Variants in CDAN1 observed in about 807,000 individuals in gnomAD.
The protein encoded by CDAN1 is codanin-1.
A neutral mutation model predicts 139.8 loss-of-function variants in CDAN1; 107 were observed. That is an observed-to-expected ratio of 0.77 (90% CI 0.65 to 0.90). CDAN1 has a LOEUF of 0.90. CDAN1 is among the 40% of genes least tolerant of loss of function. The probability of loss-of-function intolerance (pLI) is 0.00; values close to 1 mark genes in which losing one functional copy is unlikely to be tolerated. For synonymous variants in CDAN1, 776 were observed against 660.6 expected (o/e 1.17, Z -2.68); for missense variants, 1,667 against 1,575.7 (o/e 1.06, Z -0.98).
At position 42,737,090 on chromosome 15, in the gene CDAN1, A is replaced by T; in HGVS notation, c.13T>A (p.Leu5Met). ...ACCTCTTCTCGCAGCAGCGACTCCA[A>T]AACGGCCGCCATCCCGGTCGGGGCG... MAAV[L>M]ESLLREEVSV... is the part of the protein sequence containing the mutation. Residue 5 changes from leucine (L) to methionine (M), a missense_variant, in exon 1 of 28, where the codon TTG (leucine) becomes ATG (methionine). By Grantham distance (15) the Leu-to-Met change is conservative. Transcript: ENST00000356231. The T allele has an allele frequency of 6.6e-7, 1 of 1,518,210 alleles. No individual in the cohort carries two copies. Among genetic ancestry groups the T allele is most frequent in the Non-Finnish European group, 8.8e-7 (1 of 1,131,134 alleles). The allele number at this position is 1,518,210 out of a possible 1,614,324, so 94.0% of individuals were successfully genotyped here.
Position 42,729,570 on chromosome 15 carries a change from A to C in CDAN1, c.2405T>G (p.Ile802Ser). The C allele has an allele frequency of 1.2e-6, 2 of 1,614,128 alleles. No homozygotes were observed. Among genetic ancestry groups the C allele is most frequent in the Non-Finnish European group, 8.5e-7 (1 of 1,180,024 alleles). Residue 802 changes from isoleucine to serine, a missense_variant and splice_region_variant, in exon 17 of 28, where the codon ATC (isoleucine) becomes AGC (serine). Coordinates refer to ENST00000356231, the MANE Select transcript of CDAN1 (RefSeq NM_138477.4). ...GTCCAGGGAAGACCGGTGCTCACCG[A>C]TGTAGGGGCAGCAGGTGTAGAGCAG... ...QQLLYTCCPY[I>S]GELRKLLASW...
chr15:42,724,203 A>G lies in CDAN1; in HGVS notation c.*288T>C. 1 of 432,064 alleles carries G rather than the reference A, an allele frequency of 2.3e-6. No individual in the cohort carries two copies. The highest frequency in any genetic ancestry group is 4.4e-6 in the Non-Finnish European group (1 of 229,034). The allele number at this position is 432,064 out of a possible 1,614,324, so 26.8% of individuals were successfully genotyped here. On this transcript the variant is annotated 3_prime_UTR_variant, in exon 28 of 28. Coordinates refer to ENST00000356231, the MANE Select transcript of CDAN1 (RefSeq NM_138477.4). ...GCTTGAATTCTGTGTTGACAAGCCC[A>G]CACACCTCATTTCATTTAGTATCCA... is the stretch of plus-strand genomic sequence containing the variant.
intron 7 of CDAN1, 84 bp downstream of exon 7, chr15:42,734,142 G>C: frequency 1.2e-6 from 2 of 1,606,142 alleles, no homozygotes; most frequent in South Asian, 1.1e-5. Context: ...TTACACTGAA[G>C]TGTCGTCAGC....
At chr15:42,733,780 A>G (rs1178607418) in intron 8 of CDAN1, among the ~76,000 whole-genome samples, 158 bp downstream of exon 8, 2 of 152,226 alleles carry the variant, frequency 1.3e-5, no homozygotes, top group Non-Finnish European at 1.5e-5. Flanking sequence ...CATGAGAATG[A>G]AGCCAGGTGG....
chr15:42,732,285 G>C lies in CDAN1; in HGVS notation c.1533+48C>G, dbSNP rs367997306. ...AAGTGCAGCCGTTAAGTGGCTGCCTGTGATGCCTGCTGTTTAATGTGGATT... is the reference window on the plus strand; with the variant it reads ...AAGTGCAGCCGTTAAGTGGCTGCCTCTGATGCCTGCTGTTTAATGTGGATT... On this transcript the variant is annotated intron_variant, in intron 10 of 27. Coordinates refer to ENST00000356231, the MANE Select transcript of CDAN1 (RefSeq NM_138477.4). 3.2e-5 allele frequency: 49 copies of C among 1,554,266 alleles called. No individual in the cohort carries two copies. In the African/African-American group the frequency reaches 6.5e-4, roughly 21 times the overall value.
At position 42,728,097 on chromosome 15, in the gene CDAN1, G is replaced by A. The variant is rs565486675; in HGVS notation, c.2869-64C>T. On this transcript the variant is annotated intron_variant, in intron 21 of 27. Coordinates refer to ENST00000356231, the MANE Select transcript of CDAN1 (RefSeq NM_138477.4). ...GCTGGGTGCAACAAAGGATGCCAGAGTCGAGCACTGACCCCGCCCCCACAC... is the reference window on the plus strand; with the variant it reads ...GCTGGGTGCAACAAAGGATGCCAGAATCGAGCACTGACCCCGCCCCCACAC... 16 of 1,587,622 alleles carry A rather than the reference G, an allele frequency of 1.0e-5. No homozygotes were observed. In the East Asian group the frequency reaches 2.0e-4, roughly 20 times the overall value.
Position 42,732,419 on chromosome 15 carries a change from G to A in CDAN1, c.1458-11C>T, listed in dbSNP as rs1297885581. 1.9e-6 allele frequency: 3 copies of A among 1,612,708 alleles called. No homozygotes were observed. In the African/African-American group the frequency reaches 4.0e-5, roughly 22 times the overall value. ...TGACCCATCATGGCCCTGAGGAATA[G>A]AAGGCAGGAATGAAGGGTGTGGAAA... On this transcript the variant is annotated splice_polypyrimidine_tract_variant and intron_variant, in intron 9 of 27. Transcript: ENST00000356231.
chr15:42,733,294 G>T (rs1405843085), intron 8 of CDAN1, 108 bp from the exon 9 acceptor site: 5 of 860,350 alleles, frequency 5.8e-6, no homozygotes, highest in Non-Finnish European at 7.8e-6. Flanking sequence ...TTTTTTTGGA[G>T]ATGGAGTCTT....
At chr15:42,733,214 G>T in intron 8 of CDAN1, 28 bp from the exon 9 acceptor site, 1 of 1,593,822 alleles carries the variant, frequency 6.3e-7, no homozygotes, top group Non-Finnish European at 8.6e-7. Flanking sequence ...CTGATCAGCC[G>T]AGGCACTCAC....
chr15:42,729,419 C>T, intron 17 of CDAN1, 57 bp from the exon 18 acceptor site: 2 of 1,610,788 alleles, frequency 1.2e-6, no homozygotes, highest in Non-Finnish European at 1.7e-6. Context: ...CCCTAAGTAT[C>T]ATGGACTTTA....
chr15:42,729,324 T>C lies in CDAN1; in HGVS notation c.2446A>G (p.Ser816Gly). ...RKLLASWVSG[S>G]SGRSGGFMRK... is the part of the protein sequence containing the mutation. ...ATGAAGCCCCCACTCCGTCCACTAC[T>C]GCCTGACACCCACGAAGCGAGCAGT... Residue 816 changes from serine (S) to glycine (G), a missense_variant, in exon 18 of 28, where the codon AGT (serine) becomes GGT (glycine). Coordinates refer to ENST00000356231, the MANE Select transcript of CDAN1 (RefSeq NM_138477.4). The C allele has an allele frequency of 6.2e-7, 1 of 1,614,172 alleles. No individual in the cohort carries two copies. Among genetic ancestry groups the C allele is most frequent in the Non-Finnish European group, 8.5e-7 (1 of 1,180,016 alleles).
At chr15:42,728,384 C>CG (rs942938601) in intron 20 of CDAN1, 117 bp from the exon 21 acceptor site, 1 of 1,195,226 alleles carries the variant, frequency 8.4e-7, no homozygotes, top group Non-Finnish European at 1.2e-6. Context: ...AAGGAGGCAC[C>CG]GTTTGCCCTC....
At position 42,725,216 on chromosome 15, in the gene CDAN1, C is replaced by T; in HGVS notation, c.3486G>A (p.Val1162=). 6.2e-7 allele frequency: 1 copy of T among 1,614,196 alleles called. No individual in the cohort carries two copies. The highest frequency in any genetic ancestry group is 1.3e-5 in the African/African-American group (1 of 75,056). ...DLLLFLLREL[V]EKGLMGRMEI... ...CCATCCGTCCCATCAGACCCTTCTC[C>T]ACCAGCTCCCGTAGCAAGAATAGCA... Residue 1162 remains valine (V), a synonymous_variant, in exon 27 of 28, where the codon GTG becomes GTA. Transcript: ENST00000356231.
At position 42,728,733 on chromosome 15, in the gene CDAN1, C is replaced by A; in HGVS notation, c.2723G>T (p.Gly908Val). ...CTCCAACAGCTGGGCTGGGTCTCCCCCTTCCTCTCCCTGTGTCACCAGCTG... is the reference window on the plus strand; with the variant it reads ...CTCCAACAGCTGGGCTGGGTCTCCCACTTCCTCTCCCTGTGTCACCAGCTG... The part of the protein sequence containing the change: ...QEQLVTQGEE[G>V]GDPAQLLEIL... Residue 908 changes from glycine (G) to valine (V), a missense_variant, in exon 20 of 28, where the codon GGG (glycine) becomes GTG (valine). Gly to Val is a moderately radical substitution (Grantham distance 109, BLOSUM62 -3). Around this residue, in one of 3 missense-constraint regions of CDAN1, gnomAD observed 936 missense variants for 844.1 expected, o/e 1.11. Transcript: ENST00000356231. 6.2e-7 allele frequency: 1 copy of A among 1,614,216 alleles called. No individual in the cohort carries two copies. Among genetic ancestry groups the A allele is most frequent in the Non-Finnish European group, 8.5e-7 (1 of 1,180,044 alleles).
At chr15:42,729,205 C>T (rs201720212) in intron 18 of CDAN1, 24 bp downstream of exon 18, 103 of 1,611,262 alleles carry the variant, frequency 6.4e-5, no homozygotes, top group East Asian at 1.3e-4. Flanking sequence ...ATTTTCCCCA[C>T]GGCTGTCTCC....
intron 6 of CDAN1, among the ~76,000 whole-genome samples, chr15:42,734,730 T>C (rs1327547476): frequency 3.3e-5 from 5 of 149,384 alleles, no homozygotes; most frequent in African/African-American, 1.2e-4. Context: ...TCCTTCCACC[T>C]CAGCCTCCTA....
rs1305614716 is a variant in CDAN1 at position 42,723,642 on chromosome 15, C to T, written c.*849G>A. 1 of 152,276 alleles carries T rather than the reference C, an allele frequency of 6.6e-6. No homozygotes were observed. The highest frequency in any genetic ancestry group is 2.4e-5 in the African/African-American group (1 of 41,458). 9.4% of individuals were successfully genotyped at this position (152,276 alleles called of 1,614,324 possible). On this transcript the variant is annotated 3_prime_UTR_variant, in exon 28 of 28. Coordinates refer to ENST00000356231, the MANE Select transcript of CDAN1 (RefSeq NM_138477.4). ...GTCAGGGAGAGGTCTCAAGAGGTTA[C>T]TACCTGCACAGGGGCTGAAGGTACA...
chr15:42,736,729 C>A lies in CDAN1; in HGVS notation c.142G>T (p.Glu48Ter). The A allele has an allele frequency of 6.4e-7, 1 of 1,560,936 alleles. No homozygotes were observed. Among genetic ancestry groups the A allele is most frequent in the Non-Finnish European group, 8.6e-7 (1 of 1,157,492 alleles). ...ALSSLRALRK[E>*]FVPFLLNFLR... ...AAGTTCAACAGGAACGGTACGAATT[C>A]TTTCCGCAGGGCCCGGAGTGAGCTC... The change falls in exon 2 of 28, where the codon GAA becomes TAA. Residue 48 changes from glutamate to a stop codon, truncating the protein, a stop_gained. Transcript: ENST00000356231. LOFTEE classifies it high-confidence loss of function.
rs752802468 is a variant in CDAN1, at chr15:42,727,614, C to T, written c.3096+7G>A. 4.8e-5 allele frequency: 75 copies of T among 1,556,884 alleles called. 1 individual carries two copies. In the East Asian group the frequency reaches 1.4e-3, roughly 28 times the overall value. On this transcript the variant is annotated splice_region_variant and intron_variant, in intron 23 of 27. Coordinates refer to ENST00000356231, the MANE Select transcript of CDAN1 (RefSeq NM_138477.4). ...GGGAAGCCAAAGGGAGTAGGGTAGC[C>T]GTGTACTTTTATCTCGGAGATGAGG... is the stretch of plus-strand genomic sequence containing the variant.
Sources: allele counts gnomAD v4.1 joint callset (sites outside exome capture counted in the v4.1 genomes callset), GRCh38; gene constraint gnomAD v4.1.1; regional missense constraint gnomAD v4.1.1; transcripts MANE v1.5; gene names NCBI Gene and HGNC (gene_info 2026-07-23, HGNC 2026-07-21).